SLC9A9: variants seen among roughly 807,000 people sequenced by gnomAD.
The protein encoded by SLC9A9 is solute carrier family 9 member A9.
Under a neutral mutation model 77.8 loss-of-function variants are expected in SLC9A9, and 62 were observed. That is an observed-to-expected ratio of 0.80 (90% CI 0.65 to 0.98). The LOEUF (loss-of-function observed/expected upper bound fraction) is 0.98. Ranked by LOEUF, SLC9A9 falls within the 50% of genes least tolerant of loss-of-function variation. The probability of loss-of-function intolerance (pLI) is 0.00; values close to 1 mark genes in which losing one functional copy is unlikely to be tolerated. For missense variants in SLC9A9, 775 were observed against 774.9 expected (o/e 1.00, Z 0.00); for synonymous variants, 320 against 283.5 (o/e 1.13, Z -1.29).
In SLC9A9 at chr3:143,645,535, T is replaced by C. The variant is rs1314133678; in HGVS notation, c.755+6720A>G. On this transcript the variant is annotated intron_variant, in intron 6 of 15. Coordinates refer to ENST00000316549, the MANE Select transcript of SLC9A9 (RefSeq NM_173653.4). The stretch of plus-strand genomic sequence containing the variant: ...TCCTCAGTACATTTCTCTTGAACGG[T>C]TGGATGATAGTTCAAGGTTCCCCTC... Among the ~76,000 whole-genome samples the C allele has an allele frequency of 5.3e-5, 8 of 152,226 alleles. No homozygotes were observed. In the East Asian group the frequency reaches 1.4e-3, roughly 26 times the overall value.
chr3:143,743,350 GT>G (rs1224122843), intron 4 of SLC9A9, among the ~76,000 whole-genome samples: 4 of 152,080 alleles, frequency 2.6e-5, no homozygotes, highest in Non-Finnish European at 4.4e-5. Flanking sequence ...AACTGGCTCT[GT>G]CTGCAAGCTG....
intron 14 of SLC9A9, among the ~76,000 whole-genome samples, chr3:143,291,821 A>G (rs1276015112): frequency 1.3e-5 from 2 of 152,216 alleles, no homozygotes; most frequent in Non-Finnish European, 2.9e-5. Context: ...TACAAGTGGA[A>G]TTTCCTCCTT....
At position 143,716,643 on chromosome 3, in the gene SLC9A9, G is replaced by A. The variant is rs534591450; in HGVS notation, c.534-23336C>T. ...TATGGAAGCAGTAGGTCAAAGTTAG[G>A]AAATCAGTCCAGAATAGGGTTACCA... On this transcript the variant is annotated intron_variant, in intron 4 of 15. Coordinates refer to ENST00000316549, the MANE Select transcript of SLC9A9 (RefSeq NM_173653.4). Among the ~76,000 whole-genome samples the A allele has an allele frequency of 3.3e-5, 5 of 152,216 alleles. No homozygotes were observed. The East Asian group carries it at 7.7e-4, about 23-fold the overall frequency.
rs191878100 is a variant in SLC9A9, at chr3:143,458,888, A to G, written c.1469+8149T>C. Among the ~76,000 whole-genome samples, 238 of 152,242 alleles carry G rather than the reference A, an allele frequency of 1.6e-3. 1 individual carries two copies. The highest frequency in any genetic ancestry group is 5.7e-3 in the African/African-American group (236 of 41,574). ...TTCCCTCCAATACCATTTTCCTTCC[A>G]TATGAATACATTCCTTTGGCATTCT... On this transcript the variant is annotated intron_variant, in intron 12 of 15. Coordinates refer to ENST00000316549, the MANE Select transcript of SLC9A9 (RefSeq NM_173653.4).
intron 9 of SLC9A9, among the ~76,000 whole-genome samples, chr3:143,499,565 T>A (rs2035894300): frequency 6.6e-6 from 1 of 152,168 alleles, no homozygotes; most frequent in African/African-American, 2.4e-5. Context: ...GTCATGTTGC[T>A]TTCAAATAAG....
chr3:143,378,492 A>G (rs1019382800), intron 13 of SLC9A9, among the ~76,000 whole-genome samples: 1 of 152,244 alleles, frequency 6.6e-6, no homozygotes, highest in Admixed American at 6.5e-5. Context: ...GAGCAGTGTT[A>G]AGAATAATAG....
At chr3:143,350,556 C>T (rs2032422199) in intron 14 of SLC9A9, among the ~76,000 whole-genome samples, 1 of 152,208 alleles carries the variant, frequency 6.6e-6, no homozygotes, top group South Asian at 2.1e-4. Flanking sequence ...TAATTTTCCA[C>T]ATTTGCACCT....
intron 13 of SLC9A9, among the ~76,000 whole-genome samples, chr3:143,375,601 A>G (rs536837028): frequency 6.6e-6 from 1 of 152,274 alleles, no homozygotes; most frequent in South Asian, 2.1e-4. Flanking sequence ...ATCCCTATTA[A>G]GGTTATCCTA....
chr3:143,681,367 T>C (rs1263710510), intron 5 of SLC9A9, among the ~76,000 whole-genome samples: 1 of 152,198 alleles, frequency 6.6e-6, no homozygotes, highest in Non-Finnish European at 1.5e-5. Context: ...CTCACAGATA[T>C]GATTATATAT....
chr3:143,642,037 C>G (rs1475887030), intron 6 of SLC9A9, among the ~76,000 whole-genome samples: 2 of 152,162 alleles, frequency 1.3e-5, no homozygotes, highest in Admixed American at 6.5e-5. Flanking sequence ...TTTCCTATTT[C>G]TACTCAATAA....
chr3:143,475,673 T>A (rs1037661172), intron 11 of SLC9A9, among the ~76,000 whole-genome samples: 1 of 151,784 alleles, frequency 6.6e-6, no homozygotes, highest in African/African-American at 2.4e-5. Context: ...ATGCCTGTAG[T>A]CCCAGGTACT....
intron 15 of SLC9A9, among the ~76,000 whole-genome samples, chr3:143,267,965 C>T (rs1937779699): frequency 6.6e-6 from 1 of 152,304 alleles, no homozygotes; most frequent in African/African-American, 2.4e-5. Context: ...TACAGATCAT[C>T]GTTCAAGCTC....
At chr3:143,601,827 A>G (rs2037848824) in intron 6 of SLC9A9, among the ~76,000 whole-genome samples, 1 of 152,012 alleles carries the variant, frequency 6.6e-6, no homozygotes, top group South Asian at 2.1e-4. Context: ...AAACACCTTC[A>G]CTGGTCTCGA....
intron 5 of SLC9A9, among the ~76,000 whole-genome samples, chr3:143,659,329 G>T (rs2038945595): frequency 1.3e-5 from 2 of 152,164 alleles, no homozygotes; most frequent in South Asian, 4.1e-4. Context: ...TGACATGTAA[G>T]AACTGTGAGG....
chr3:143,269,915 T>A (rs1016332162), intron 14 of SLC9A9, among the ~76,000 whole-genome samples: 1 of 152,198 alleles, frequency 6.6e-6, no homozygotes, highest in African/African-American at 2.4e-5. Flanking sequence ...ATGCCTCTGG[T>A]GGAGTCCATC....
intron 12 of SLC9A9, among the ~76,000 whole-genome samples, chr3:143,411,423 A>G (rs1461071201): frequency 6.6e-6 from 1 of 152,116 alleles, no homozygotes; most frequent in Non-Finnish European, 1.5e-5. Flanking sequence ...CATGGTTAAT[A>G]TGGTAGATCC....
At chr3:143,802,131 C>A (rs2008579867) in intron 2 of SLC9A9, among the ~76,000 whole-genome samples, 1 of 152,196 alleles carries the variant, frequency 6.6e-6, no homozygotes. Context: ...CACCTACTCC[C>A]CCACTGAAAC....
chr3:143,421,852 C>T (rs1024031928), intron 12 of SLC9A9, among the ~76,000 whole-genome samples: 1 of 152,108 alleles, frequency 6.6e-6, no homozygotes, highest in Non-Finnish European at 1.5e-5. Context: ...CAACAAAGGT[C>T]TAATACCAGA....
chr3:143,276,706 C>T (rs1938059788), intron 14 of SLC9A9, among the ~76,000 whole-genome samples: 2 of 152,024 alleles, frequency 1.3e-5, no homozygotes, highest in Non-Finnish European at 2.9e-5. Context: ...ACCTATATCA[C>T]AACTCCTATA....
Sources: gnomAD v4.1 joint callset for allele counts (sites outside exome capture counted in the v4.1 genomes callset) on GRCh38, gnomAD v4.1.1 for gene constraint, MANE v1.5 for transcripts, NCBI Gene and HGNC (gene_info 2026-07-23, HGNC 2026-07-21) for gene names.